The following RBM47 variants were observed in gnomAD, a reference collection of about 807,000 sequenced individuals.
RBM47 encodes RNA-binding protein 47.
In RBM47, 21 loss-of-function variants were observed where a neutral mutation model predicts 47.1. The ratio of observed to expected loss-of-function variants is 0.45; its 90% confidence interval spans 0.32 to 0.64. The LOEUF is 0.64. Ranked by LOEUF, RBM47 falls within the 30% of genes least tolerant of loss-of-function variation. RBM47 has a pLI of 0.05. For synonymous variants in RBM47, 375 were observed against 361.7 expected (o/e 1.04, Z -0.42); for missense variants, 708 against 870.9 (o/e 0.81, Z 2.35).
At position 40,536,717 on chromosome 4, in the gene RBM47, G is replaced by GTGT. The variant is rs749047772; in HGVS notation, c.-155+7704_-155+7705insACA. Among the ~76,000 whole-genome samples the GTGT allele has an allele frequency of 1.8e-4, 21 of 115,502 alleles. 1 individual carries two copies. The East Asian group carries it at 2.4e-3, about 13-fold the overall frequency. 75.8% of individuals were successfully genotyped at this position (115,502 alleles called of 152,430 possible). The stretch of plus-strand genomic sequence containing the variant: ...TGCAGTTTTTGGTGTGTGTGTGTGT[G>GTGT]TTTTTGTTTTTTTTTTATTGTTGTT... On this transcript the variant is annotated intron_variant, in intron 2 of 6. Coordinates refer to ENST00000295971, the MANE Select transcript of RBM47 (RefSeq NM_001098634.2).
chr4:40,619,322 G>GGAGGCTGAGGCAGGAGGATCACTT (rs1305399800), intron 1 of RBM47, among the ~76,000 whole-genome samples: 1 of 152,124 alleles, frequency 6.6e-6, no homozygotes, highest in African/African-American at 2.4e-5. Flanking sequence ...CAGCTTCTTG[G>GGAGGCTGAGGCAGGAGGATCACTT]GAGGCTGAGG....
chr4:40,518,716 A>G (rs1278314377), intron 2 of RBM47, among the ~76,000 whole-genome samples: 1 of 151,918 alleles, frequency 6.6e-6, no homozygotes, highest in Non-Finnish European at 1.5e-5. Flanking sequence ...GGGGTGTCCA[A>G]TCTTTTGGCT....
chr4:40,568,428 CAAAAA>C (rs35434439), intron 1 of RBM47, among the ~76,000 whole-genome samples: 23,100 of 56,674 alleles, frequency 0.41, 2,446 homozygotes, highest in South Asian at 0.46. Context: ...AACCCTGTCT[CAAAAA>C]AAAAAAAAAA....
chr4:40,534,203 T>C (rs1461786847), intron 2 of RBM47, among the ~76,000 whole-genome samples: 1 of 151,376 alleles, frequency 6.6e-6, no homozygotes, highest in African/African-American at 2.4e-5. Context: ...TGGGCTGAAG[T>C]GATTCTTCCA....
At chr4:40,486,298 C>T (rs1306370332) in intron 2 of RBM47, among the ~76,000 whole-genome samples, 1 of 151,894 alleles carries the variant, frequency 6.6e-6, no homozygotes, top group Non-Finnish European at 1.5e-5. Context: ...ATTAAAGAGC[C>T]AATTTCCTTA....
At chr4:40,564,788 A>G (rs533270187) in intron 1 of RBM47, among the ~76,000 whole-genome samples, 5 of 152,262 alleles carry the variant, frequency 3.3e-5, no homozygotes, top group Non-Finnish European at 7.3e-5. Flanking sequence ...AATGATATTC[A>G]AGACCTCAGG....
intron 1 of RBM47, among the ~76,000 whole-genome samples, chr4:40,585,388 A>C (rs1283773858): frequency 6.6e-6 from 1 of 152,234 alleles, no homozygotes; most frequent in Non-Finnish European, 1.5e-5. Flanking sequence ...CAAGCTTTCA[A>C]TCATCAAGAA....
At chr4:40,590,833 C>T (rs899780774) in intron 1 of RBM47, among the ~76,000 whole-genome samples, 12 of 152,142 alleles carry the variant, frequency 7.9e-5, no homozygotes, top group African/African-American at 1.2e-4. Flanking sequence ...GATGGAGTCT[C>T]GCACTGTCAC....
chr4:40,457,422 C>CAA (rs35497838), intron 3 of RBM47, among the ~76,000 whole-genome samples: 5,477 of 111,362 alleles, frequency 0.049, 149 homozygotes, highest in Non-Finnish European at 0.06. Flanking sequence ...GACTCCATCT[C>CAA]AAAAAAAAAA....
chr4:40,583,730 C>T (rs1490736127), intron 1 of RBM47, among the ~76,000 whole-genome samples: 8 of 151,568 alleles, frequency 5.3e-5, no homozygotes, highest in South Asian at 2.1e-4. Flanking sequence ...CGGTGGCGGG[C>T]GCCTGTAGTC....
intron 1 of RBM47, among the ~76,000 whole-genome samples, chr4:40,556,862 C>G (rs1730145297): frequency 6.6e-6 from 1 of 151,698 alleles, no homozygotes; most frequent in African/African-American, 2.4e-5. Context: ...GGCACTCCAG[C>G]CTGGGCAACA....
chr4:40,516,667 G>A (rs1346424265), intron 2 of RBM47, among the ~76,000 whole-genome samples: 2 of 152,186 alleles, frequency 1.3e-5, no homozygotes, highest in Non-Finnish European at 2.9e-5. Flanking sequence ...GATGCAGAAA[G>A]ATCCAAAAAC....
At chr4:40,578,145 C>T (rs1334726695) in intron 1 of RBM47, among the ~76,000 whole-genome samples, 1 of 152,054 alleles carries the variant, frequency 6.6e-6, no homozygotes. Context: ...GTAATCAGGA[C>T]GAAGAAATAA....
At chr4:40,465,171 C>T (rs903044002) in intron 3 of RBM47, among the ~76,000 whole-genome samples, 54 of 152,216 alleles carry the variant, frequency 3.5e-4, no homozygotes, top group African/African-American at 1.2e-3. Flanking sequence ...TATTTTCTCT[C>T]GCAGGGATTA....
intron 1 of RBM47, among the ~76,000 whole-genome samples, chr4:40,598,805 A>G (rs1734982688): frequency 6.6e-6 from 1 of 150,842 alleles, no homozygotes; most frequent in South Asian, 2.1e-4. Flanking sequence ...TATGTGTTTA[A>G]GCCATAAATG....
At chr4:40,439,943 A>AATGG (rs1374007431) in intron 3 of RBM47, among the ~76,000 whole-genome samples, 3 of 152,196 alleles carry the variant, frequency 2.0e-5, no homozygotes, top group Admixed American at 6.5e-5. Flanking sequence ...GAGCACTTGG[A>AATGG]ATGGGGCTAG....
At chr4:40,584,259 G>A (rs1733320189) in intron 1 of RBM47, among the ~76,000 whole-genome samples, 1 of 152,142 alleles carries the variant, frequency 6.6e-6, no homozygotes, top group South Asian at 2.1e-4. Flanking sequence ...CCACCGTGCT[G>A]GGCTGGTTGT....
intron 3 of RBM47, among the ~76,000 whole-genome samples, chr4:40,453,111 T>C (rs958160583): frequency 3.3e-5 from 5 of 152,136 alleles, no homozygotes; most frequent in Non-Finnish European, 7.4e-5. Context: ...AGTTCTGGGA[T>C]TACAGGCTTG....
intron 1 of RBM47, among the ~76,000 whole-genome samples, chr4:40,564,922 C>T (rs1465474770): frequency 6.6e-6 from 1 of 152,130 alleles, no homozygotes; most frequent in Non-Finnish European, 1.5e-5. Context: ...GCAGGAGTGG[C>T]GGAGCTTCTG....
Sources: allele counts gnomAD v4.1 joint callset (sites outside exome capture counted in the v4.1 genomes callset), GRCh38; gene constraint gnomAD v4.1.1; transcripts MANE v1.5; gene names NCBI Gene and HGNC (gene_info 2026-07-23, HGNC 2026-07-21).